The following AKR1D1 variants were observed in gnomAD, a reference collection of about 807,000 sequenced individuals.
AKR1D1 encodes the protein delta(4)-3-ketosteroid 5-beta-reductase.
In AKR1D1, 32 loss-of-function variants were observed where a neutral mutation model predicts 42.6. That is an observed-to-expected ratio of 0.75 (90% CI 0.57 to 1.01). AKR1D1 has a LOEUF of 1.01. AKR1D1 is among the 50% of genes least tolerant of loss of function. The pLI, the probability that AKR1D1 is intolerant of heterozygous loss-of-function variation, is 0.00. For missense variants in AKR1D1, 364 were observed against 402.2 expected, an observed-to-expected ratio of 0.91 and a Z score of 0.81; for synonymous variants, 123 against 135.5, an observed-to-expected ratio of 0.91 and a Z score of 0.64.
At position 138,106,635 on chromosome 7, in the gene AKR1D1, C is replaced by A. The variant is rs754019534; in HGVS notation, c.607C>A (p.Pro203Thr). The A allele has an allele frequency of 2.5e-6, 4 of 1,614,148 alleles. No homozygotes were observed. The highest frequency in any genetic ancestry group is 2.5e-6 in the Non-Finnish European group (3 of 1,179,998). The change falls in exon 6 of 9, where the codon CCA becomes ACA. Residue 203 changes from proline (P) to threonine (T), a missense_variant. Transcript: ENST00000242375. ...TGAGTGCCATCCGTATTTCACCCAG[C>A]CAAAACTCTTGAAATTTTGCCAACA... ...QVECHPYFTQ[P>T]KLLKFCQQHD...
chr7:138,103,428 T>C (rs1403123608), intron 4 of AKR1D1, among the ~76,000 whole-genome samples: 2 of 152,168 alleles, frequency 1.3e-5, no homozygotes, highest in Non-Finnish European at 2.9e-5. Flanking sequence ...TTGTCTTTAT[T>C]AGAAAACTTC....
At chr7:138,106,475 C>T (rs2117462232) in intron 5 of AKR1D1, 133 bp from the exon 6 acceptor site, 1 of 723,894 alleles carries the variant, frequency 1.4e-6, no homozygotes, top group South Asian at 1.5e-5. Context: ...CAGACTAGGA[C>T]ACGAAATGTA....
chr7:138,076,994 T>G (rs966817255), intron 1 of AKR1D1, among the ~76,000 whole-genome samples: 2 of 152,190 alleles, frequency 1.3e-5, no homozygotes, highest in African/African-American at 4.8e-5. Flanking sequence ...TGCCATGCAC[T>G]AAGCACTAGG....
At chr7:138,108,621 T>G (rs1456352426) in intron 7 of AKR1D1, among the ~76,000 whole-genome samples, 1 of 151,888 alleles carries the variant, frequency 6.6e-6, no homozygotes, top group Non-Finnish European at 1.5e-5. Context: ...AAGTAAGGAG[T>G]AGAATAGTGG....
chr7:138,105,903 A>AC (rs113620930), intron 5 of AKR1D1, among the ~76,000 whole-genome samples: 2,885 of 131,398 alleles, frequency 0.022, 86 homozygotes, highest in African/African-American at 0.077. Context: ...AACAACAACA[A>AC]AAAAAAATCT....
chr7:138,086,140 C>T (rs1047798232), intron 1 of AKR1D1, among the ~76,000 whole-genome samples: 12 of 152,016 alleles, frequency 7.9e-5, no homozygotes, highest in Non-Finnish European at 1.8e-4. Flanking sequence ...GAAGCCGAGG[C>T]TGCAGTGAGC....
At chr7:138,115,534 T>C (rs1794617663) in intron 8 of AKR1D1, among the ~76,000 whole-genome samples, 1 of 152,144 alleles carries the variant, frequency 6.6e-6, no homozygotes, top group South Asian at 2.1e-4. Flanking sequence ...TCTGACATAT[T>C]TAAAAGCAAT....
At chr7:138,106,506 A>G (rs780550667) in intron 5 of AKR1D1, 102 bp from the exon 6 acceptor site, 4 of 831,406 alleles carry the variant, frequency 4.8e-6, no homozygotes, top group East Asian at 2.6e-5. Flanking sequence ...AGGAGATTCT[A>G]TTAATAAAAT....
Position 138,088,724 on chromosome 7 carries a change from G to A in AKR1D1, c.217G>A (p.Ala73Thr). Residue 73 changes from alanine (A) to threonine (T), a missense_variant, in exon 2 of 9, where the codon GCA (alanine) becomes ACA (threonine). Transcript: ENST00000242375. ...EVGEAIREKI[A>T]EGKVRREDIF... ...TGGGGAGGCCATCAGGGAGAAGATA[G>A]CAGAAGGAAAGGTGCGGAGGGAAGA... is the stretch of plus-strand genomic sequence containing the variant. The A allele has an allele frequency of 3.1e-6, 5 of 1,612,476 alleles. No individual in the cohort carries two copies. The highest frequency in any genetic ancestry group is 2.2e-5 in the East Asian group (1 of 44,832).
At chr7:138,084,526 C>T (rs921871946) in intron 1 of AKR1D1, among the ~76,000 whole-genome samples, 19 of 151,980 alleles carry the variant, frequency 1.3e-4, no homozygotes, top group African/African-American at 4.4e-4. Flanking sequence ...CATAATCCAG[C>T]ATTTTTAATT....
intron 7 of AKR1D1, among the ~76,000 whole-genome samples, chr7:138,107,865 T>C (rs1479113712): frequency 6.6e-6 from 1 of 152,146 alleles, no homozygotes; most frequent in Non-Finnish European, 1.5e-5. Context: ...TTTTGTTTGT[T>C]TAGAGATAGG....
Position 138,082,183 on chromosome 7 carries a change from C to T in AKR1D1, c.93+5572C>T, listed in dbSNP as rs372294432. On this transcript the variant is annotated intron_variant, in intron 1 of 8. Transcript: ENST00000242375. ...CTACCTAATTCCTTCTTGCTATGTC[C>T]GATATGCTACTGATGCGTCCATTTA... Among the ~76,000 whole-genome samples, 8 of 152,198 alleles carry T rather than the reference C, an allele frequency of 5.3e-5. No homozygotes were observed. In the East Asian group the frequency reaches 5.8e-4, roughly 11 times the overall value.
rs1367518944 is a variant in AKR1D1, at chr7:138,106,674, A to G, written c.646A>G (p.Ile216Val). The change falls in exon 6 of 9, where the codon ATT (isoleucine) becomes GTT (valine). Residue 216 changes from isoleucine (I) to valine (V), a missense_variant. Transcript: ENST00000242375. ...LKFCQQHDIV[I>V]TAYSPLGTSR... ...ATTTTGCCAACAACATGACATTGTCATTACTGCATATAGCCCTTTGGGGAC... is the reference window on the plus strand; with the variant it reads ...ATTTTGCCAACAACATGACATTGTCGTTACTGCATATAGCCCTTTGGGGAC... 1 of 1,614,124 alleles carries G rather than the reference A, an allele frequency of 6.2e-7. No homozygotes were observed. The highest frequency in any genetic ancestry group is 1.3e-5 in the African/African-American group (1 of 75,068).
At chr7:138,084,510 C>T (rs776911592) in intron 1 of AKR1D1, among the ~76,000 whole-genome samples, 24 of 151,940 alleles carry the variant, frequency 1.6e-4, no homozygotes, top group Non-Finnish European at 2.2e-4. Flanking sequence ...TGTGCCACTG[C>T]GCCAGCATAA....
intron 4 of AKR1D1, among the ~76,000 whole-genome samples, chr7:138,103,954 A>AC (rs932483282): frequency 6.6e-6 from 1 of 151,748 alleles, no homozygotes; most frequent in Admixed American, 6.6e-5. Flanking sequence ...ACATAATGAG[A>AC]CCCCCCTCAT....
intron 1 of AKR1D1, among the ~76,000 whole-genome samples, chr7:138,084,297 C>G (rs1051505307): frequency 4.5e-5 from 6 of 134,434 alleles, no homozygotes; most frequent in African/African-American, 1.1e-4. Flanking sequence ...GGGTCTTGCT[C>G]CAACACCCAG....
In AKR1D1 at chr7:138,107,577, T is replaced by C; in HGVS notation, c.852T>C (p.Phe284=). The C allele has an allele frequency of 3.1e-6, 5 of 1,613,624 alleles. No individual in the cohort carries two copies. The highest frequency in any genetic ancestry group is 4.2e-6 in the Non-Finnish European group (5 of 1,179,970). ...ATCTTGAAAGGATCAAAGAAAATTT[T>C]CAGGTAAGAGAATTGCTTTTGGAGA... ...SFNLERIKEN[F]QIFDFSLTEE... is the part of the protein sequence containing the mutation. The change falls in exon 7 of 9, where the codon TTT becomes TTC. Residue 284 remains phenylalanine, a synonymous_variant. Transcript: ENST00000242375.
chr7:138,104,697 A>AAAT (rs1365531621), intron 4 of AKR1D1, among the ~76,000 whole-genome samples: 3 of 151,222 alleles, frequency 2.0e-5, no homozygotes, highest in Non-Finnish European at 3.0e-5. Flanking sequence ...AAAAAAAAAA[A>AAAT]AGTGCCCAGG....
At chr7:138,107,358 T>C in intron 6 of AKR1D1, 57 bp from the exon 7 acceptor site, 2 of 1,578,914 alleles carry the variant, frequency 1.3e-6, no homozygotes, top group Non-Finnish European at 1.7e-6. Flanking sequence ...GATGGTTTAT[T>C]AACCTTTGGT....
Sources: gnomAD v4.1 joint callset for allele counts (sites outside exome capture counted in the v4.1 genomes callset) on GRCh38, gnomAD v4.1.1 for gene constraint, MANE v1.5 for transcripts, NCBI Gene and HGNC (gene_info 2026-07-23, HGNC 2026-07-21) for gene names.